PPARGC1A: variants seen among roughly 807,000 people sequenced by gnomAD.
PPARGC1A encodes the protein PPARG coactivator 1 alpha.
In PPARGC1A, 25 loss-of-function variants were observed where a neutral mutation model predicts 88.7. The ratio of observed to expected loss-of-function variants is 0.28; its 90% CI spans 0.21 to 0.39. The LOEUF (loss-of-function observed/expected upper bound fraction) is 0.39, where lower values mean the gene tolerates loss of function less well. Ranked by LOEUF, PPARGC1A falls within the 10% of genes least tolerant of loss-of-function variation. The pLI, the probability that PPARGC1A is intolerant of heterozygous loss-of-function variation, is 1.00. For synonymous variants in PPARGC1A, 363 were observed against 355.6 expected, an observed-to-expected ratio of 1.02 and a Z score of -0.24; for missense variants, 880 against 968.7, an observed-to-expected ratio of 0.91 and a Z score of 1.22.
chr4:24,156,736 C>CT, the PPARGC1A span, among the ~76,000 whole-genome samples: 19,315 of 139,420 alleles, frequency 0.14, 1,671 homozygotes, highest in South Asian at 0.31. Context: ...TTCTCTCTCT[C>CT]TTTTTTTTTT....
chr4:24,051,223 A>T, the PPARGC1A span, among the ~76,000 whole-genome samples: 1 of 150,802 alleles, frequency 6.6e-6, no homozygotes, highest in East Asian at 1.9e-4. Flanking sequence ...CCAAACCTAA[A>T]CTCTATTCAT....
At chr4:23,921,104 A>T in the PPARGC1A span, among the ~76,000 whole-genome samples, 1 of 152,060 alleles carries the variant, frequency 6.6e-6, no homozygotes, top group African/African-American at 2.4e-5. Context: ...CACCACTTTG[A>T]GCACAGTGCA....
the PPARGC1A span, among the ~76,000 whole-genome samples, chr4:23,943,184 C>A: frequency 6.6e-6 from 1 of 152,078 alleles, no homozygotes; most frequent in Non-Finnish European, 1.5e-5. Flanking sequence ...TTTGATTTAT[C>A]AGTCAAAATG....
chr4:24,367,246 A>T, the PPARGC1A span, among the ~76,000 whole-genome samples: 1 of 152,180 alleles, frequency 6.6e-6, no homozygotes, highest in African/African-American at 2.4e-5. Context: ...ACAGAGGAAG[A>T]GGCTAACCCT....
chr4:24,227,082 C>CT, the PPARGC1A span, among the ~76,000 whole-genome samples: 454 of 146,254 alleles, frequency 3.1e-3, no homozygotes, highest in Middle Eastern at 7.1e-3. Flanking sequence ...TCTAACACTT[C>CT]TTTTTTTTTT....
chr4:24,422,584 T>C, the PPARGC1A span, among the ~76,000 whole-genome samples: 2 of 147,488 alleles, frequency 1.4e-5, no homozygotes, highest in Non-Finnish European at 3.0e-5. Context: ...CTGAGCTACA[T>C]AGTAGTAAGT....
At chr4:23,923,753 T>C in the PPARGC1A span, among the ~76,000 whole-genome samples, 1 of 152,190 alleles carries the variant, frequency 6.6e-6, no homozygotes, top group Non-Finnish European at 1.5e-5. Flanking sequence ...GAGGGCAAAC[T>C]CATTCTTTTT....
the PPARGC1A span, among the ~76,000 whole-genome samples, chr4:24,202,575 C>A: frequency 2.0e-5 from 3 of 152,110 alleles, no homozygotes; most frequent in Admixed American, 6.5e-5. Context: ...CTAAATGACC[C>A]CCAAAACTTG....
At chr4:24,075,995 C>T in the PPARGC1A span, among the ~76,000 whole-genome samples, 1 of 152,130 alleles carries the variant, frequency 6.6e-6, no homozygotes, top group Non-Finnish European at 1.5e-5. Flanking sequence ...TCTCCGTGTT[C>T]TCTGATAGTC....
At chr4:24,368,308 G>C in the PPARGC1A span, among the ~76,000 whole-genome samples, 2 of 152,248 alleles carry the variant, frequency 1.3e-5, no homozygotes, top group Admixed American at 1.3e-4. Context: ...TACAATTTTA[G>C]GGTAGCAATC....
the PPARGC1A span, among the ~76,000 whole-genome samples, chr4:24,188,269 C>G: frequency 6.6e-6 from 1 of 152,068 alleles, no homozygotes; most frequent in Admixed American, 6.6e-5. Flanking sequence ...GTCCTATATT[C>G]TAAGGCTACC....
chr4:24,134,335 C>T, the PPARGC1A span, among the ~76,000 whole-genome samples: 1 of 152,256 alleles, frequency 6.6e-6, no homozygotes, highest in Non-Finnish European at 1.5e-5. Context: ...TGTTCCTAAA[C>T]TTATTCCTTC....
At chr4:24,021,895 C>A in the PPARGC1A span, among the ~76,000 whole-genome samples, 4 of 152,198 alleles carry the variant, frequency 2.6e-5, no homozygotes, top group East Asian at 7.7e-4. Flanking sequence ...GCCCCCAATG[C>A]AGAATGGAGC....
chr4:24,200,453 G>C, the PPARGC1A span, among the ~76,000 whole-genome samples: 1 of 151,920 alleles, frequency 6.6e-6, no homozygotes, highest in African/African-American at 2.4e-5. Flanking sequence ...AGAGGTTGCA[G>C]TGAGCTGAGA....
the PPARGC1A span, among the ~76,000 whole-genome samples, chr4:24,418,006 T>C: frequency 4.0e-5 from 6 of 151,672 alleles, no homozygotes; most frequent in African/African-American, 1.4e-4. Context: ...AGAATATTTA[T>C]TATATATACA....
the PPARGC1A span, among the ~76,000 whole-genome samples, chr4:24,219,022 G>A: frequency 2.6e-5 from 4 of 152,304 alleles, 1 homozygote; most frequent in South Asian, 8.3e-4. Context: ...AACTTCTTCA[G>A]ATTAAAACAA....
the PPARGC1A span, among the ~76,000 whole-genome samples, chr4:24,202,877 CT>C: frequency 5.9e-5 from 9 of 152,296 alleles, no homozygotes; most frequent in African/African-American, 2.2e-4. Context: ...CCAGTGCCCC[CT>C]GAAGCCATCC....
the PPARGC1A span, among the ~76,000 whole-genome samples, chr4:24,132,814 T>C: frequency 2.0e-5 from 3 of 152,070 alleles, no homozygotes; most frequent in South Asian, 2.1e-4. Flanking sequence ...CTTCTTCACT[T>C]GACCTACCCA....
At chr4:23,831,825 G>T in intron 2 of PPARGC1A, 74 bp from the exon 3 acceptor site, 2 of 1,199,698 alleles carry the variant, frequency 1.7e-6, no homozygotes, top group Non-Finnish European at 2.4e-6. Context: ...CAACATGTTT[G>T]ACCAAATGAG....
Sources: allele counts gnomAD v4.1 joint callset (sites outside exome capture counted in the v4.1 genomes callset), GRCh38; gene constraint gnomAD v4.1.1; transcripts MANE v1.5; gene names NCBI Gene and HGNC (gene_info 2026-07-23, HGNC 2026-07-21).